PDXDC1: variants seen among roughly 807,000 people sequenced by gnomAD.
The protein encoded by PDXDC1 is pyridoxal dependent decarboxylase domain containing 1, also known as pyridoxal-dependent decarboxylase domain-containing protein 1.
PDXDC1 carries 42 observed loss-of-function variants against 100.1 expected under a neutral mutation model. The ratio of observed to expected loss-of-function variants is 0.42; its 90% CI spans 0.33 to 0.54. PDXDC1 has a LOEUF of 0.54. Among genes scored for constraint, PDXDC1 ranks in the 20% least tolerant of loss-of-function variants. The pLI, the probability that PDXDC1 is intolerant of heterozygous loss-of-function variation, is 0.10. For missense variants in PDXDC1, 636 were observed against 979.2 expected (o/e 0.65, Z 4.68); for synonymous variants, 260 against 371.7 (o/e 0.70, Z 3.46).
intron 3 of PDXDC1, among the ~76,000 whole-genome samples, chr16:14,998,774 T>C: frequency 6.6e-6 from 1 of 152,270 alleles, no homozygotes; most frequent in Non-Finnish European, 1.5e-5. Flanking sequence ...CTTAAACCAG[T>C]GTCTTATCAT....
intron 16 of PDXDC1, among the ~76,000 whole-genome samples, chr16:15,109,835 C>A (rs961242125): frequency 3.0e-5 from 4 of 134,076 alleles, no homozygotes; most frequent in African/African-American, 1.1e-4. Context: ...GGCGACAGAG[C>A]GAGACTCTAT....
intron 16 of PDXDC1, among the ~76,000 whole-genome samples, chr16:15,062,298 C>T (rs147626404): frequency 2.0e-5 from 3 of 152,280 alleles, no homozygotes; most frequent in East Asian, 1.9e-4. Context: ...GGAAACATGA[C>T]GAGTCATTCT....
chr16:15,072,997 A>G, intron 16 of PDXDC1: 1 of 1,613,736 alleles, frequency 6.2e-7, no homozygotes, highest in East Asian at 2.2e-5. Context: ...ACATGGCAGG[A>G]GGCATGGGTG....
intron 16 of PDXDC1, among the ~76,000 whole-genome samples, chr16:15,082,137 G>A (rs1483840693): frequency 6.6e-6 from 1 of 152,206 alleles, no homozygotes; most frequent in Non-Finnish European, 1.5e-5. Flanking sequence ...CAAGCAGCAA[G>A]AGCGGACATC....
chr16:14,995,265 A>G (rs906888480), intron 1 of PDXDC1, among the ~76,000 whole-genome samples: 1 of 152,284 alleles, frequency 6.6e-6, no homozygotes, highest in African/African-American at 2.4e-5. Flanking sequence ...TCAGTATGAT[A>G]TTGGCTGTGG....
chr16:15,125,465 C>G, intron 16 of PDXDC1: 5 of 898,602 alleles, frequency 5.6e-6, no homozygotes, highest in South Asian at 5.2e-5. Flanking sequence ...CACAGACACC[C>G]AGCAAGGACA....
At chr16:15,128,543 G>A (rs540516331) in intron 16 of PDXDC1, among the ~76,000 whole-genome samples, 1 of 152,204 alleles carries the variant, frequency 6.6e-6, no homozygotes, top group South Asian at 2.1e-4. Flanking sequence ...AGGAGCTGAG[G>A]TTACTGCAAT....
intron 16 of PDXDC1, chr16:15,092,581 A>G (rs1357189993): frequency 6.2e-7 from 1 of 1,613,360 alleles, no homozygotes; most frequent in Non-Finnish European, 8.5e-7. Context: ...GAGAATTGAA[A>G]AAGTCATTCT....
At chr16:15,055,149 T>C (rs1008429903) in intron 16 of PDXDC1, among the ~76,000 whole-genome samples, 28 of 152,282 alleles carry the variant, frequency 1.8e-4, no homozygotes, top group Non-Finnish European at 3.5e-4. Context: ...ACAGGATCTA[T>C]GGCAAATAGG....
At chr16:15,071,263 G>C (rs1266110110) in intron 16 of PDXDC1, 8 of 1,597,644 alleles carry the variant, frequency 5.0e-6, no homozygotes, top group Non-Finnish European at 6.8e-6. Flanking sequence ...TATAAAAAGA[G>C]AGGGCGTCGG....
At chr16:15,077,506 T>C (rs1190299647) in intron 16 of PDXDC1, among the ~76,000 whole-genome samples, 1 of 152,138 alleles carries the variant, frequency 6.6e-6, no homozygotes, top group Non-Finnish European at 1.5e-5. Context: ...CCCGCCATGA[T>C]TCTGAGGCCT....
chr16:15,142,793 GCTGT>G (rs1209084954), downstream of PDXDC1, among the ~76,000 whole-genome samples: 4 of 143,246 alleles, frequency 2.8e-5, no homozygotes, highest in African/African-American at 1.0e-4. Context: ...CATCATCGCC[GCTGT>G]CTGATGCCCT....
At chr16:15,061,941 A>C in intron 16 of PDXDC1, 1 of 1,573,094 alleles carries the variant, frequency 6.4e-7, no homozygotes, top group Non-Finnish European at 8.7e-7. Context: ...TAACATCACC[A>C]GTGCTGACTG....
At chr16:15,077,104 C>T (rs1351159695) in intron 16 of PDXDC1, among the ~76,000 whole-genome samples, 9 of 151,844 alleles carry the variant, frequency 5.9e-5, no homozygotes, top group African/African-American at 1.7e-4. Flanking sequence ...CTCAGCCTCC[C>T]GAGTAGCTGG....
intron 16 of PDXDC1, chr16:15,061,361 T>C (rs995072262): frequency 4.0e-5 from 8 of 198,420 alleles, no homozygotes; most frequent in Admixed American, 6.0e-5. Flanking sequence ...CCTAAGACCA[T>C]GGATCTGACA....
intron 1 of PDXDC1, among the ~76,000 whole-genome samples, chr16:14,983,282 C>A (rs1478023722): frequency 1.3e-5 from 2 of 152,268 alleles, no homozygotes; most frequent in Non-Finnish European, 2.9e-5. Flanking sequence ...CTCTTAAAAG[C>A]CTTCTCTTGG....
At chr16:14,996,354 TCTTC>T (rs1374392318) in intron 1 of PDXDC1, 1 of 443,248 alleles carries the variant, frequency 2.3e-6, no homozygotes, top group Non-Finnish European at 4.5e-6. Flanking sequence ...TAAACACAGC[TCTTC>T]CTTTAAGCAG....
At chr16:15,017,272 G>A in intron 10 of PDXDC1, 49 bp from the exon 11 acceptor site, 1 of 1,597,872 alleles carries the variant, frequency 6.3e-7, no homozygotes, top group Non-Finnish European at 8.6e-7. Flanking sequence ...GAGGGTGTTA[G>A]GTTTGTGTAT....
At chr16:15,132,662 G>C in intron 16 of PDXDC1, 1 of 719,562 alleles carries the variant, frequency 1.4e-6, no homozygotes, top group Non-Finnish European at 2.4e-6. Context: ...GCCCTGGGGG[G>C]CTGAACCCAG....
Sources: gnomAD v4.1 joint callset for allele counts (sites outside exome capture counted in the v4.1 genomes callset) on GRCh38, gnomAD v4.1.1 for gene constraint, MANE v1.5 for transcripts, NCBI Gene and HGNC (gene_info 2026-07-23, HGNC 2026-07-21) for gene names.